Variants in ADGRF5 observed in about 807,000 individuals in gnomAD.
The protein encoded by ADGRF5 is G-protein coupled receptor 116.
Under a neutral mutation model 132.3 loss-of-function variants are expected in ADGRF5, and 75 were observed. That is an observed-to-expected ratio of 0.57 (90% confidence interval 0.47 to 0.69). ADGRF5 has a LOEUF of 0.69. Ranked by LOEUF, ADGRF5 falls within the 30% of genes least tolerant of loss-of-function variation. The probability of loss-of-function intolerance (pLI) is 0.00; values close to 1 mark genes in which losing one functional copy is unlikely to be tolerated. For missense variants in ADGRF5, 1,516 were observed against 1,630.6 expected, an observed-to-expected ratio of 0.93 and a Z score of 1.21; for synonymous variants, 629 against 597.6, an observed-to-expected ratio of 1.05 and a Z score of -0.77.
intron 4 of ADGRF5, among the ~76,000 whole-genome samples, chr6:46,884,964 G>A (rs1336544395): frequency 6.6e-6 from 1 of 152,176 alleles, no homozygotes; most frequent in Non-Finnish European, 1.5e-5. Context: ...GCACTTGGGA[G>A]GCCAAGGCAG....
intron 15 of ADGRF5, among the ~76,000 whole-genome samples, chr6:46,861,792 C>T (rs549277195): frequency 6.6e-6 from 1 of 152,316 alleles, no homozygotes; most frequent in East Asian, 1.9e-4. Context: ...GCAGCATGAT[C>T]CTTTTCCATT....
intron 1 of ADGRF5, among the ~76,000 whole-genome samples, chr6:46,927,095 G>A (rs1033177948): frequency 6.6e-6 from 1 of 152,030 alleles, no homozygotes; most frequent in Non-Finnish European, 1.5e-5. Context: ...ATCATTCTAT[G>A]CTATTTTCAG....
chr6:46,942,963 G>A (rs1433334554), intron 1 of ADGRF5, among the ~76,000 whole-genome samples: 2 of 152,134 alleles, frequency 1.3e-5, no homozygotes, highest in African/African-American at 4.8e-5. Context: ...TCAGTAAATA[G>A]GCTATAGGCA....
intron 3 of ADGRF5, among the ~76,000 whole-genome samples, chr6:46,889,552 ATGTG>A (rs1311137841): frequency 3.2e-5 from 4 of 124,266 alleles, no homozygotes; most frequent in Non-Finnish European, 4.9e-5. Flanking sequence ...CTATATATAT[ATGTG>A]TGTGTGTGTG....
chr6:46,938,876 A>ATTT (rs34685701), intron 1 of ADGRF5, among the ~76,000 whole-genome samples: 2 of 147,474 alleles, frequency 1.4e-5, no homozygotes. Flanking sequence ...TACTTTTCTG[A>ATTT]TTTTTTTTTT....
chr6:46,924,233 C>G (rs77737977), upstream of ADGRF5, among the ~76,000 whole-genome samples: 5,036 of 152,228 alleles, frequency 0.033, 258 homozygotes, highest in African/African-American at 0.11. Flanking sequence ...TTCTCCCAGC[C>G]TGAGCCAAGT....
chr6:46,947,376 T>C (rs1239350576), intron 1 of ADGRF5, among the ~76,000 whole-genome samples: 1 of 152,234 alleles, frequency 6.6e-6, no homozygotes, highest in African/African-American at 2.4e-5. Context: ...GAAAACCTTT[T>C]AAAATGCAAT....
At chr6:46,864,233 A>C (rs1770112301) in intron 14 of ADGRF5, among the ~76,000 whole-genome samples, 1 of 152,200 alleles carries the variant, frequency 6.6e-6, no homozygotes, top group Non-Finnish European at 1.5e-5. Flanking sequence ...ATGGGCTAGC[A>C]TAGCAATGAC....
In ADGRF5 at chr6:46,853,816, C is replaced by G. The variant is rs1331647630; in HGVS notation, c.*176G>C. On this transcript the variant is annotated 3_prime_UTR_variant, in exon 21 of 21. Transcript: ENST00000283296. The stretch of plus-strand genomic sequence containing the variant: ...GGGGAGGGAACAAACAGAAACATAA[C>G]AATTATTTTTATTCTGTCTTTACAA... 2.0e-6 allele frequency: 1 copy of G among 511,340 alleles called. No individual in the cohort carries two copies. The highest frequency in any genetic ancestry group is 2.0e-5 in the African/African-American group (1 of 48,984). 31.7% of individuals were successfully genotyped at this position (511,340 alleles called of 1,614,324 possible). A position where few individuals can be genotyped will look rare whatever the true frequency, so the allele number is the denominator to read the frequency against.
Position 46,878,344 on chromosome 6 carries a change from A to T in ADGRF5, c.1098T>A (p.Asp366Glu), listed in dbSNP as rs778494371. 6.2e-7 allele frequency: 1 copy of T among 1,613,094 alleles called. No individual in the cohort carries two copies. Among genetic ancestry groups the T allele is most frequent in the Non-Finnish European group, 8.5e-7 (1 of 1,179,116 alleles). The change falls in exon 10 of 21, where the codon GAT becomes GAA. Residue 366 changes from aspartate (D) to glutamate (E), a missense_variant. Asp to Glu is a conservative substitution (Grantham distance 45, BLOSUM62 2). Coordinates refer to ENST00000283296, the MANE Select transcript of ADGRF5 (RefSeq NM_001098518.2). ...IFEYECKKKI[D>E]VMPIQILANE... ...TTGCCAAAATTTGGATGGGCATAAC[A>T]TCTATTTTCTTCTTGCACTCATATT...
chr6:46,882,025 A>G, intron 7 of ADGRF5, 24 bp downstream of exon 7: 1 of 1,526,912 alleles, frequency 6.5e-7, no homozygotes, highest in South Asian at 1.1e-5. Context: ...TAAATTAGAA[A>G]TGATCAAATT....
intron 3 of ADGRF5, among the ~76,000 whole-genome samples, chr6:46,898,622 G>T (rs1233474199): frequency 6.6e-6 from 1 of 152,162 alleles, no homozygotes; most frequent in Non-Finnish European, 1.5e-5. Flanking sequence ...TATTTTAAGA[G>T]CTTAATAGAA....
intron 9 of ADGRF5, among the ~76,000 whole-genome samples, chr6:46,879,020 G>A (rs774556089): frequency 6.6e-6 from 1 of 152,128 alleles, no homozygotes; most frequent in African/African-American, 2.4e-5. Flanking sequence ...CAGGGAGAAC[G>A]ATGGATACGT....
Position 46,868,877 on chromosome 6 carries a change from A to C in ADGRF5, c.1621+6T>G, listed in dbSNP as rs764808954. 6 of 1,587,578 alleles carry C rather than the reference A, an allele frequency of 3.8e-6. No homozygotes were observed. The highest frequency in any genetic ancestry group is 5.2e-6 in the Non-Finnish European group (6 of 1,156,928). On this transcript the variant is annotated splice_donor_region_variant and intron_variant, in intron 12 of 20. Coordinates refer to ENST00000283296, the MANE Select transcript of ADGRF5 (RefSeq NM_001098518.2). Reference sequence around the variant, plus strand: ...AGCACAATACGGTGTCCGGCCTTTCACTCACCATTCCACTCCCTGGTCGAG... The same window carrying C: ...AGCACAATACGGTGTCCGGCCTTTCCCTCACCATTCCACTCCCTGGTCGAG...
At chr6:46,894,320 A>G (rs1471487277) in intron 3 of ADGRF5, among the ~76,000 whole-genome samples, 1 of 152,240 alleles carries the variant, frequency 6.6e-6, no homozygotes, top group Admixed American at 6.5e-5. Context: ...GGTTTCAGAA[A>G]GATTTGTTCA....
chr6:46,897,424 A>C (rs1165087463), intron 3 of ADGRF5, among the ~76,000 whole-genome samples: 1 of 152,110 alleles, frequency 6.6e-6, no homozygotes, highest in Non-Finnish European at 1.5e-5. Context: ...TGTGTATGTA[A>C]AAGGGAATAG....
chr6:46,883,403 T>G (rs1381365940), intron 6 of ADGRF5, among the ~76,000 whole-genome samples, 156 bp downstream of exon 6: 1 of 152,218 alleles, frequency 6.6e-6, no homozygotes, highest in Non-Finnish European at 1.5e-5. Flanking sequence ...ATGATTTGAT[T>G]TGAGCACATA....
chr6:46,880,350 T>C (rs952524407), intron 8 of ADGRF5, among the ~76,000 whole-genome samples: 2 of 53,698 alleles, frequency 3.7e-5, no homozygotes, highest in African/African-American at 5.8e-5. Flanking sequence ...AAATTGCACA[T>C]TTTTTTATAA....
chr6:46,873,940 T>G (rs1287767890), intron 10 of ADGRF5, among the ~76,000 whole-genome samples: 1 of 152,230 alleles, frequency 6.6e-6, no homozygotes, highest in Non-Finnish European at 1.5e-5. Context: ...CTGAAATATC[T>G]CACTATTGTC....
Sources: gnomAD v4.1 joint callset for allele counts (sites outside exome capture counted in the v4.1 genomes callset) on GRCh38, gnomAD v4.1.1 for gene constraint, MANE v1.5 for transcripts, NCBI Gene and HGNC (gene_info 2026-07-23, HGNC 2026-07-21) for gene names.